The following HMGCLL1 variants were observed in gnomAD, a reference collection of about 807,000 sequenced individuals.
The protein encoded by HMGCLL1 is 3-hydroxymethyl-3-methylglutaryl-CoA lyase, cytoplasmic.
Under a neutral mutation model 39.1 loss-of-function variants are expected in HMGCLL1, and 36 were observed. The ratio of observed to expected loss-of-function variants is 0.92; its 90% CI spans 0.71 to 1.22. The LOEUF (loss-of-function observed/expected upper bound fraction) is 1.22. HMGCLL1 is among the 50% of genes most tolerant of loss of function. The probability of loss-of-function intolerance (pLI) is 0.00; values close to 1 mark genes in which losing one functional copy is unlikely to be tolerated. For missense variants in HMGCLL1, 451 were observed against 416.5 expected (o/e 1.08, Z -0.72); for synonymous variants, 149 against 144.0 (o/e 1.03, Z -0.25).
chr6:55,641,854 T>A, the HMGCLL1 span, among the ~76,000 whole-genome samples: 1 of 147,018 alleles, frequency 6.8e-6, no homozygotes, highest in Non-Finnish European at 1.5e-5. Flanking sequence ...CTCATAATTT[T>A]CTTTTTTTTT....
chr6:55,667,078 T>A, the HMGCLL1 span, among the ~76,000 whole-genome samples: 9 of 151,750 alleles, frequency 5.9e-5, no homozygotes, highest in Admixed American at 4.0e-4. Flanking sequence ...GAAGCATAAG[T>A]GGGTTTCCAG....
In HMGCLL1 at chr6:55,476,669, ATGAT is replaced by A. The variant is rs1244750750; in HGVS notation, c.795+18746_795+18749del. 4.0e-5 allele frequency among the ~76,000 whole-genome samples: 6 copies of A among 151,702 alleles called. No homozygotes were observed. The Admixed American group carries it at 4.0e-4, about 10-fold the overall frequency. Reference sequence around the variant, plus strand: ...TCTTCTTTATTAATGTGGTAATTCTATGATTGGTTTTATATGTTAAACTAGAATT... The same window carrying A: ...TCTTCTTTATTAATGTGGTAATTCTATGGTTTTATATGTTAAACTAGAATT... On this transcript the variant is annotated intron_variant, in intron 7 of 8. Coordinates refer to ENST00000274901, the MANE Select transcript of HMGCLL1 (RefSeq NM_001042406.2).
At chr6:55,615,179 GT>G in the HMGCLL1 span, among the ~76,000 whole-genome samples, 1 of 151,354 alleles carries the variant, frequency 6.6e-6, no homozygotes, top group African/African-American at 2.4e-5. Flanking sequence ...GTTTATAAAA[GT>G]AAAAAGAAAA....
At chr6:55,496,149 TA>T (rs1378107294) in intron 6 of HMGCLL1, among the ~76,000 whole-genome samples, 3 of 152,124 alleles carry the variant, frequency 2.0e-5, no homozygotes, top group Non-Finnish European at 4.4e-5. Context: ...ATAACTATAT[TA>T]AATTTTTTTT....
In HMGCLL1 at chr6:55,541,770, T is replaced by A. The variant is rs749960854; in HGVS notation, c.256A>T (p.Ile86Leu). The A allele has an allele frequency of 6.2e-7, 1 of 1,609,912 alleles. No individual in the cohort carries two copies. The highest frequency in any genetic ancestry group is 1.1e-5 in the South Asian group (1 of 90,478). The change falls in exon 3 of 9, where the codon ATA becomes TTA. Residue 86 changes from isoleucine to leucine, a missense_variant. Physicochemically the swap from Ile to Leu is conservative, Grantham distance 5 (BLOSUM62 2). Coordinates refer to ENST00000274901, the MANE Select transcript of HMGCLL1 (RefSeq NM_001042406.2). ...NRLSQTGLSV[I>L]EVTSFVSSRW... ...GAAGACACAAAGCTAGTCACTTCTA[T>A]TACAGACAAGCCAGTTTGGGAAAGT... is the stretch of plus-strand genomic sequence containing the variant.
the HMGCLL1 span, among the ~76,000 whole-genome samples, chr6:55,616,105 A>G: frequency 1.3e-5 from 2 of 152,096 alleles, no homozygotes; most frequent in Non-Finnish European, 2.9e-5. Flanking sequence ...ATAGCCATAT[A>G]GTCTTCTTCT....
intron 7 of HMGCLL1, among the ~76,000 whole-genome samples, chr6:55,471,417 G>T (rs183251363): frequency 7.7e-4 from 117 of 151,802 alleles, no homozygotes; most frequent in African/African-American, 2.7e-3. Flanking sequence ...GATTTACCAG[G>T]TATATACCAA....
intron 1 of HMGCLL1, among the ~76,000 whole-genome samples, chr6:55,559,053 T>C (rs970229411): frequency 1.3e-5 from 2 of 152,112 alleles, no homozygotes; most frequent in African/African-American, 4.8e-5. Context: ...ACATTTTGAC[T>C]TCTCAGAGGC....
the HMGCLL1 span, among the ~76,000 whole-genome samples, chr6:55,591,006 G>T: frequency 1.3e-5 from 2 of 151,966 alleles, no homozygotes; most frequent in African/African-American, 4.8e-5. Flanking sequence ...ATTCAAAATT[G>T]TGTCTGTCAA....
At chr6:55,586,649 G>C in the HMGCLL1 span, among the ~76,000 whole-genome samples, 1 of 151,536 alleles carries the variant, frequency 6.6e-6, no homozygotes, top group African/African-American at 2.4e-5. Context: ...ACGGTGTTTG[G>C]TTTTTTGTCC....
the HMGCLL1 span, among the ~76,000 whole-genome samples, chr6:55,648,985 G>A: frequency 5.9e-5 from 9 of 151,506 alleles, no homozygotes; most frequent in East Asian, 2.0e-4. Context: ...CTGGCAAACC[G>A]AATCCAGCAA....
intron 5 of HMGCLL1, among the ~76,000 whole-genome samples, chr6:55,508,212 C>T (rs1767265384): frequency 6.6e-6 from 1 of 151,788 alleles, no homozygotes; most frequent in African/African-American, 2.4e-5. Flanking sequence ...TTACCTCTAC[C>T]TCCACTACTA....
At chr6:55,578,068 T>C (rs1232899130) in intron 1 of HMGCLL1, among the ~76,000 whole-genome samples, 1 of 152,230 alleles carries the variant, frequency 6.6e-6, no homozygotes, top group African/African-American at 2.4e-5. Context: ...GGTACAATTA[T>C]GCTTAATGAC....
chr6:55,582,279 T>C (rs1771998570), upstream of HMGCLL1, among the ~76,000 whole-genome samples: 1 of 152,202 alleles, frequency 6.6e-6, no homozygotes, highest in African/African-American at 2.4e-5. Flanking sequence ...ATATAAAGTG[T>C]TCAACATTTG....
At chr6:55,511,572 T>C (rs1049502213) in intron 5 of HMGCLL1, among the ~76,000 whole-genome samples, 8 of 152,076 alleles carry the variant, frequency 5.3e-5, no homozygotes, top group African/African-American at 1.9e-4. Flanking sequence ...ACTGACGACA[T>C]AAATTTTCTG....
chr6:55,498,722 A>G (rs540037599), intron 6 of HMGCLL1, among the ~76,000 whole-genome samples: 2 of 152,272 alleles, frequency 1.3e-5, no homozygotes, highest in East Asian at 3.9e-4. Context: ...CTTAATGACT[A>G]TAACCTATTG....
At chr6:55,579,246 C>T (rs1771926518), upstream of HMGCLL1, 2 of 597,352 alleles carry the variant, frequency 3.3e-6, no homozygotes, top group Admixed American at 3.0e-5. Flanking sequence ...GTGGCCGCGC[C>T]TGGGGCAGCG....
intron 1 of HMGCLL1, chr6:55,563,758 G>C: frequency 1.6e-6 from 1 of 626,790 alleles, no homozygotes; most frequent in South Asian, 1.6e-5. Context: ...TAATGACAAG[G>C]ATCATATTTT....
At chr6:55,470,758 T>G (rs1581819031) in intron 7 of HMGCLL1, among the ~76,000 whole-genome samples, 1 of 151,596 alleles carries the variant, frequency 6.6e-6, no homozygotes. Context: ...GCTGGAGAGG[T>G]CTCAGGAAAC....
Sources: gnomAD v4.1 joint callset for allele counts (sites outside exome capture counted in the v4.1 genomes callset) on GRCh38, gnomAD v4.1.1 for gene constraint, MANE v1.5 for transcripts, NCBI Gene and HGNC (gene_info 2026-07-23, HGNC 2026-07-21) for gene names.